The following DIS3 variants were observed in gnomAD, a reference collection of about 807,000 sequenced individuals.
The protein encoded by DIS3 is DIS3 exosome endoribonuclease and 3'-5' exoribonuclease, also known as exosome complex exonuclease RRP44.
DIS3 carries 103 observed loss-of-function variants against 113.0 expected under a neutral mutation model. The observed-to-expected ratio is 0.91, with a 90% CI of 0.78 to 1.07. DIS3 has a LOEUF of 1.07. Ranked by LOEUF, DIS3 falls within the 50% of genes least tolerant of loss-of-function variation. The pLI, the probability that DIS3 is intolerant of heterozygous loss-of-function variation, is 0.00. For synonymous variants in DIS3, 402 were observed against 394.3 expected (o/e 1.02, Z -0.23); for missense variants, 1,121 against 1,167.1 (o/e 0.96, Z 0.58).
At chr13:72,761,010 A>C (rs2033609643) in intron 19 of DIS3, among the ~76,000 whole-genome samples, 1 of 152,182 alleles carries the variant, frequency 6.6e-6, no homozygotes, top group Non-Finnish European at 1.5e-5. Context: ...TAAGGAGAAT[A>C]GGGAGTATGT....
intron 13 of DIS3, 92 bp downstream of exon 13, chr13:72,770,812 C>A: frequency 1.4e-6 from 1 of 725,438 alleles, no homozygotes; most frequent in Non-Finnish European, 2.2e-6. Flanking sequence ...TGTATATATA[C>A]GTACATGTGA....
At chr13:72,772,645 G>A in intron 9 of DIS3, 48 bp downstream of exon 9, 2 of 1,546,840 alleles carry the variant, frequency 1.3e-6, no homozygotes, top group Non-Finnish European at 1.7e-6. Flanking sequence ...ACAAAACTAG[G>A]CAGGATATAA....
chr13:72,778,528 G>T, intron 2 of DIS3, 148 bp from the exon 3 acceptor site: 1 of 505,642 alleles, frequency 2.0e-6, no homozygotes, highest in Non-Finnish European at 3.2e-6. Context: ...ACACCTCAGA[G>T]AAGAAATCAA....
chr13:72,778,285 T>A lies in DIS3; in HGVS notation c.482A>T (p.Lys161Ile), dbSNP rs978756079. 1 of 1,608,178 alleles carries A rather than the reference T, an allele frequency of 6.2e-7. No individual in the cohort carries two copies. Among genetic ancestry groups the A allele is most frequent in the African/African-American group, 1.3e-5 (1 of 74,890 alleles). ...VAAKWYNEHL[K>I]KMSADNQLQV... is the part of the protein sequence containing the mutation. ...CAGCTGGTTGTCTGCTGACATTTTT[T>A]TCAAATGTTCATTGTACCATTTTGC... is the stretch of plus-strand genomic sequence containing the variant. The change falls in exon 3 of 21, where the codon AAA (lysine) becomes ATA (isoleucine). Residue 161 changes from lysine (K) to isoleucine (I), a missense_variant. Lys to Ile is a moderately radical substitution (Grantham distance 102). Transcript: ENST00000377767.
chr13:72,760,750 T>C (rs767088806), intron 19 of DIS3, 99 bp from the exon 20 acceptor site: 36 of 1,379,158 alleles, frequency 2.6e-5, no homozygotes, highest in Middle Eastern at 2.7e-4. Flanking sequence ...AGTTTAAATA[T>C]AAAAATTAGT....
intron 14 of DIS3, among the ~76,000 whole-genome samples, chr13:72,766,947 A>G (rs1176577735): frequency 6.6e-6 from 1 of 152,200 alleles, no homozygotes; most frequent in Admixed American, 6.5e-5. Context: ...GTAGGAACAC[A>G]TACTAAAAAG....
chr13:72,765,952 C>T lies in DIS3; in HGVS notation c.1970+20G>A, dbSNP rs368521737. On this transcript the variant is annotated intron_variant, in intron 15 of 20. Transcript: ENST00000377767. ...AAAATAAAAAAATCTTATCTAATGCCCATCAAAAAAATTACAAACCTAAGT... is the reference window on the plus strand; with the variant it reads ...AAAATAAAAAAATCTTATCTAATGCTCATCAAAAAAATTACAAACCTAAGT... The T allele has an allele frequency of 9.6e-6, 15 of 1,560,998 alleles. No individual in the cohort carries two copies. The African/African-American group carries it at 1.6e-4, about 17-fold the overall frequency.
chr13:72,781,556 C>A, intron 1 of DIS3, 49 bp downstream of exon 1: 1 of 1,476,350 alleles, frequency 6.8e-7, no homozygotes, highest in South Asian at 1.4e-5. Flanking sequence ...CTGTCATACC[C>A]CCTTGTCCCC....
At chr13:72,767,373 TA>T (rs1051049261) in intron 14 of DIS3, among the ~76,000 whole-genome samples, 51 of 149,576 alleles carry the variant, frequency 3.4e-4, no homozygotes, top group African/African-American at 5.9e-4. Context: ...TTACATTGCT[TA>T]AAAAAAAAAC....
chr13:72,774,255 GATAATAAAGT>G lies in DIS3; in HGVS notation c.988-206_988-197del, dbSNP rs2033955739. Among the ~76,000 whole-genome samples the G allele has an allele frequency of 2.6e-5, 4 of 151,914 alleles. No homozygotes were observed. The South Asian group carries it at 8.3e-4, about 31-fold the overall frequency. ...AACCAAACCACAGACATTCTCTCTTGATAATAAAGTACTACAAAACAATCAAAAAGCAAAA... is the reference window on the plus strand; with the variant it reads ...AACCAAACCACAGACATTCTCTCTTGACTACAAAACAATCAAAAAGCAAAA... On this transcript the variant is annotated intron_variant, in intron 6 of 20. Coordinates refer to ENST00000377767, the MANE Select transcript of DIS3 (RefSeq NM_014953.5).
At chr13:72,775,113 T>C in intron 6 of DIS3, 98 bp downstream of exon 6, 3 of 1,298,890 alleles carry the variant, frequency 2.3e-6, no homozygotes, top group South Asian at 1.6e-5. Flanking sequence ...TATGATTTTA[T>C]GCAATAAATC....
rs562034286 is a variant in DIS3, at chr13:72,764,990, A to G, written c.1970+982T>C. On this transcript the variant is annotated intron_variant, in intron 15 of 20. Transcript: ENST00000377767. ...ATATTATAATAGCACGCAAGCACAT[A>G]TTTACTCTAAGTAAAAAATTTGAGT... Among the ~76,000 whole-genome samples, 9 of 152,284 alleles carry G rather than the reference A, an allele frequency of 5.9e-5. No individual in the cohort carries two copies. The South Asian group carries it at 8.3e-4, about 14-fold the overall frequency.
rs1164181381 is a variant in DIS3, at chr13:72,756,741, G to T, written c.*3054C>A. Reference sequence around the variant, plus strand: ...GCGTCTGGCATTTCCACTGCTGGCAGTCATTTTCATCCTGCCGCCCTGTGA... The same window carrying T: ...GCGTCTGGCATTTCCACTGCTGGCATTCATTTTCATCCTGCCGCCCTGTGA... On this transcript the variant is annotated 3_prime_UTR_variant, in exon 21 of 21. Coordinates refer to ENST00000377767, the MANE Select transcript of DIS3 (RefSeq NM_014953.5). The T allele has an allele frequency of 1.3e-5, 2 of 152,088 alleles. No homozygotes were observed. Among genetic ancestry groups the T allele is most frequent in the East Asian group, 3.9e-4 (2 of 5,188 alleles). 9.4% of individuals were successfully genotyped at this position (152,088 alleles called of 1,614,324 possible).
chr13:72,761,672 G>T lies in DIS3; in HGVS notation c.2485C>A (p.Arg829Ser). ...TGGGTATGAAAAGCCACTGATGCACGTTGGGCATATTGAGCCATTTTGTGC... is the reference window on the plus strand; with the variant it reads ...TGGGTATGAAAAGCCACTGATGCACTTTGGGCATATTGAGCCATTTTGTGC... ...FRHKMAQYAQ[R>S]ASVAFHTQLF... is the part of the protein sequence containing the mutation. The change falls in exon 18 of 21, where the codon CGT becomes AGT. Residue 829 changes from arginine (R) to serine (S), a missense_variant. Coordinates refer to ENST00000377767, the MANE Select transcript of DIS3 (RefSeq NM_014953.5). The T allele has an allele frequency of 6.2e-7, 1 of 1,610,968 alleles. No homozygotes were observed. The highest frequency in any genetic ancestry group is 1.1e-5 in the South Asian group (1 of 89,978).
intron 6 of DIS3, 81 bp from the exon 7 acceptor site, chr13:72,774,140 C>A: frequency 1.2e-6 from 1 of 828,322 alleles, no homozygotes. Context: ...AAAATGCATA[C>A]ATGGATACTA....
At chr13:72,775,854 C>G in intron 5 of DIS3, 71 bp downstream of exon 5, 1 of 1,253,406 alleles carries the variant, frequency 8.0e-7, no homozygotes, top group Non-Finnish European at 1.1e-6. Context: ...ATAGTATTTA[C>G]CATTAAGTGT....
intron 14 of DIS3, among the ~76,000 whole-genome samples, chr13:72,768,455 G>C (rs958920099): frequency 6.6e-6 from 1 of 152,144 alleles, no homozygotes; most frequent in Non-Finnish European, 1.5e-5. Context: ...TTCAAGACCA[G>C]CCTGGCCAAC....
chr13:72,775,480 G>T, intron 5 of DIS3, 105 bp from the exon 6 acceptor site: 1 of 1,247,976 alleles, frequency 8.0e-7, no homozygotes, highest in Non-Finnish European at 1.1e-6. Context: ...ATATCTCTAT[G>T]GAATCTCTAT....
chr13:72,760,209 TAAG>T (rs1476451963), intron 20 of DIS3, among the ~76,000 whole-genome samples: 2 of 152,134 alleles, frequency 1.3e-5, no homozygotes, highest in African/African-American at 4.8e-5. Flanking sequence ...GGACAAAAGT[TAAG>T]AACCAGTATC....
Sources: gnomAD v4.1 joint callset for allele counts (sites outside exome capture counted in the v4.1 genomes callset) on GRCh38, gnomAD v4.1.1 for gene constraint, MANE v1.5 for transcripts, NCBI Gene and HGNC (gene_info 2026-07-23, HGNC 2026-07-21) for gene names.